Variants in ATP2A2 observed in about 807,000 individuals in gnomAD.
The protein encoded by ATP2A2 is ATPase sarcoplasmic/endoplasmic reticulum Ca2+ transporting 2, also known as sarcoplasmic/endoplasmic reticulum calcium ATPase 2.
Under a neutral mutation model 109.3 loss-of-function variants are expected in ATP2A2, and 14 were observed. That is an observed-to-expected ratio of 0.13 (90% CI 0.08 to 0.20). ATP2A2 has a LOEUF of 0.20. ATP2A2 is among the 10% of genes least tolerant of loss of function. The pLI, the probability that ATP2A2 is intolerant of heterozygous loss-of-function variation, is 1.00. For synonymous variants in ATP2A2, 506 were observed against 490.9 expected (o/e 1.03, Z -0.41); for missense variants, 657 against 1,321.6 (o/e 0.50, Z 7.80).
In ATP2A2 at chr12:110,308,457, C is replaced by G. The variant is rs1196690258; in HGVS notation, c.463+11720C>G. ...TTCATGGTGTTTGTAAACTTATATG[C>G]AAATCAGAAATGATAGTTTGCTGGG... On this transcript the variant is annotated intron_variant, in intron 5 of 19. Coordinates refer to ENST00000539276, the MANE Select transcript of ATP2A2 (RefSeq NM_170665.4). 2.0e-5 allele frequency among the ~76,000 whole-genome samples: 3 copies of G among 152,112 alleles called. No individual in the cohort carries two copies. The East Asian group carries it at 5.8e-4, about 29-fold the overall frequency.
chr12:110,349,968 C>T lies in ATP2A2; in HGVS notation c.*3498C>T. The T allele has an allele frequency of 1.6e-6, 2 of 1,269,768 alleles. No homozygotes were observed. Among genetic ancestry groups the T allele is most frequent in the South Asian group, 3.4e-5 (2 of 58,892 alleles). The allele number at this position is 1,269,768 out of a possible 1,614,324, so 78.7% of individuals were successfully genotyped here. On this transcript the variant is annotated 3_prime_UTR_variant, in exon 20 of 20. Coordinates refer to ENST00000539276, the MANE Select transcript of ATP2A2 (RefSeq NM_170665.4). Reference sequence around the variant, plus strand: ...CAACCTCACCCTCTGCACCACTAACCAAGACCTTGTCCTCTTGCCTGTCTC... The same window carrying T: ...CAACCTCACCCTCTGCACCACTAACTAAGACCTTGTCCTCTTGCCTGTCTC...
In ATP2A2 at chr12:110,349,534, G is replaced by A. The variant is rs1024532414; in HGVS notation, c.*3064G>A. 5.1e-6 allele frequency: 5 copies of A among 986,232 alleles called. No individual in the cohort carries two copies. Among genetic ancestry groups the A allele is most frequent in the African/African-American group, 1.7e-5 (1 of 57,242 alleles). 61.1% of individuals were successfully genotyped at this position (986,232 alleles called of 1,614,324 possible). A position where few individuals can be genotyped will look rare whatever the true frequency, so the allele number is the denominator to read the frequency against. The stretch of plus-strand genomic sequence containing the variant: ...GAGGAAGCTGTCCCTTGAGCTCAGT[G>A]AGCTCCCAGGCAAGCAGGGCATCTG... On this transcript the variant is annotated 3_prime_UTR_variant, in exon 20 of 20. Coordinates refer to ENST00000539276, the MANE Select transcript of ATP2A2 (RefSeq NM_170665.4).
Position 110,347,311 on chromosome 12 carries a change from G to T in ATP2A2, c.*841G>T. ...TTTAAAAAAATAAAACATTTTAAAT[G>T]GACAGAGAAAAATAACTGTCTTGTC... On this transcript the variant is annotated 3_prime_UTR_variant, in exon 20 of 20. Transcript: ENST00000539276. 7.9e-7 allele frequency: 1 copy of T among 1,272,160 alleles called. No homozygotes were observed. Among genetic ancestry groups the T allele is most frequent in the Non-Finnish European group, 1.0e-6 (1 of 977,564 alleles). The allele number at this position is 1,272,160 out of a possible 1,614,324, so 78.8% of individuals were successfully genotyped here. A position where few individuals can be genotyped will look rare whatever the true frequency, so the allele number is the denominator to read the frequency against.
At chr12:110,314,653 A>T (rs1876466977) in intron 5 of ATP2A2, among the ~76,000 whole-genome samples, 1 of 152,184 alleles carries the variant, frequency 6.6e-6, no homozygotes, top group Non-Finnish European at 1.5e-5. Context: ...AAGATAATAG[A>T]TCCCTCCTTA....
chr12:110,282,446 A>G (rs1254469456), intron 1 of ATP2A2, among the ~76,000 whole-genome samples, 158 bp from the exon 2 acceptor site: 1 of 152,210 alleles, frequency 6.6e-6, no homozygotes, highest in East Asian at 1.9e-4. Context: ...TCTGCTAAAA[A>G]AATCGGATAT....
chr12:110,294,054 G>GT (rs1361818218), intron 4 of ATP2A2, among the ~76,000 whole-genome samples: 2 of 148,426 alleles, frequency 1.3e-5, no homozygotes, highest in South Asian at 2.1e-4. Context: ...TGTTTTTTTT[G>GT]TTTTTTTGAG....
At chr12:110,280,638 G>A, upstream of ATP2A2, 1 of 152,576 alleles carries the variant, frequency 6.6e-6, no homozygotes, top group Non-Finnish European at 1.5e-5. Context: ...GGAAGAATCG[G>A]GGCTGGCGTG....
chr12:110,311,324 C>T lies in ATP2A2; in HGVS notation c.464-11668C>T, dbSNP rs566469558. Among the ~76,000 whole-genome samples the T allele has an allele frequency of 2.0e-5, 3 of 152,116 alleles. No individual in the cohort carries two copies. The South Asian group carries it at 6.2e-4, about 32-fold the overall frequency. On this transcript the variant is annotated intron_variant, in intron 5 of 19. Transcript: ENST00000539276. ...TCCTGGCCTCAAGTGATCCTCCTGC[C>T]TTAGCCTGTAATCCCAGGTCTTTGG...
chr12:110,335,548 G>A (rs1162540738), intron 11 of ATP2A2, among the ~76,000 whole-genome samples: 1 of 152,240 alleles, frequency 6.6e-6, no homozygotes, highest in Non-Finnish European at 1.5e-5. Context: ...GGCTAAACTT[G>A]AAGGATAACT....
chr12:110,309,196 C>A (rs1418553932), intron 5 of ATP2A2, among the ~76,000 whole-genome samples: 1 of 107,330 alleles, frequency 9.3e-6, no homozygotes, highest in African/African-American at 3.6e-5. Flanking sequence ...CTCACTCTGT[C>A]GCCCAGGCAG....
At chr12:110,344,238 T>G (rs1879628734) in intron 16 of ATP2A2, among the ~76,000 whole-genome samples, 3 of 152,288 alleles carry the variant, frequency 2.0e-5, no homozygotes, top group African/African-American at 7.2e-5. Context: ...GTATATGCAC[T>G]TGTTGTTTTT....
At chr12:110,311,550 C>T (rs545495359) in intron 5 of ATP2A2, among the ~76,000 whole-genome samples, 18 of 141,378 alleles carry the variant, frequency 1.3e-4, no homozygotes, top group African/African-American at 3.5e-4. Context: ...GAGCCAAGAT[C>T]GCGCCACTGC....
chr12:110,342,461 G>T lies in ATP2A2; in HGVS notation c.2318+13G>T, dbSNP rs1257116756. The T allele has an allele frequency of 1.2e-6, 2 of 1,611,656 alleles. No homozygotes were observed. The highest frequency in any genetic ancestry group is 3.3e-5 in the Admixed American group (2 of 60,000). On this transcript the variant is annotated intron_variant, in intron 15 of 19. Transcript: ENST00000539276. This position sits in a 1 kb window ranked among gnomAD's most constrained non-coding sequence, Gnocchi z 4.6. ...GGGAAGTTGTCTGGTAGGTCTCTGT[G>T]ACAGCATCACTTACTGTACGCCTTT...
chr12:110,287,503 T>C (rs1872782034), intron 3 of ATP2A2, among the ~76,000 whole-genome samples: 1 of 152,210 alleles, frequency 6.6e-6, no homozygotes, highest in Admixed American at 6.5e-5. Flanking sequence ...ACAGGTATTA[T>C]TGTATTTAGC....
At chr12:110,287,773 C>T (rs1363325072) in intron 3 of ATP2A2, among the ~76,000 whole-genome samples, 2 of 151,928 alleles carry the variant, frequency 1.3e-5, no homozygotes, top group Non-Finnish European at 2.9e-5. Flanking sequence ...CACCACCACG[C>T]CCGGGTAATT....
In ATP2A2 at chr12:110,344,969, C is replaced by T; in HGVS notation, c.2605C>T (p.Leu869=). The T allele has an allele frequency of 6.2e-7, 1 of 1,614,088 alleles. No individual in the cohort carries two copies. Among genetic ancestry groups the T allele is most frequent in the Non-Finnish European group, 8.5e-7 (1 of 1,179,922 alleles). The change falls in exon 17 of 20, where the codon CTG becomes TTG. Residue 869 remains leucine, a splice_region_variant and synonymous_variant. Transcript: ENST00000539276. ...TGGTCCAAGAGTGTCCTTCTACCAG[C>T]TGGTACTCAGTCACCTTTCTTTCTG... is the stretch of plus-strand genomic sequence containing the variant. ...DGGPRVSFYQ[L]SHFLQCKEDN... is the part of the protein sequence containing the mutation.
At position 110,314,991 on chromosome 12, in the gene ATP2A2, C is replaced by G. The variant is rs1257109427; in HGVS notation, c.464-8001C>G. ...ATGCCATTCTCCTGCCTCAGCCTCC[C>G]AAGTAGCTGGGACCACAGGCACCCG... On this transcript the variant is annotated intron_variant, in intron 5 of 19. Transcript: ENST00000539276. Among the ~76,000 whole-genome samples, 4 of 152,048 alleles carry G rather than the reference C, an allele frequency of 2.6e-5. No individual in the cohort carries two copies. The South Asian group carries it at 8.3e-4, about 32-fold the overall frequency.
At chr12:110,325,078 G>T (rs1289333870) in intron 6 of ATP2A2, among the ~76,000 whole-genome samples, 1 of 151,944 alleles carries the variant, frequency 6.6e-6, no homozygotes, top group South Asian at 2.1e-4. Context: ...CCCCCAAAGT[G>T]CTGGGATTAC....
intron 5 of ATP2A2, among the ~76,000 whole-genome samples, chr12:110,302,861 T>A (rs1361276513): frequency 6.6e-6 from 1 of 152,166 alleles, no homozygotes. Flanking sequence ...CCTCCCAAAG[T>A]GCTGGGATTA....
Sources: gnomAD v4.1 joint callset for allele counts (sites outside exome capture counted in the v4.1 genomes callset) on GRCh38, gnomAD v4.1.1 for gene constraint, Gnocchi (gnomAD v3.1) non-coding constraint, MANE v1.5 for transcripts, NCBI Gene and HGNC (gene_info 2026-07-23, HGNC 2026-07-21) for gene names.